The following CDH13 variants were observed in gnomAD, a reference collection of about 807,000 sequenced individuals.
CDH13 encodes cadherin 13, also known as cadherin-13.
Under a neutral mutation model 63.8 loss-of-function variants are expected in CDH13, and 24 were observed. The observed-to-expected ratio is 0.38, with a 90% CI of 0.27 to 0.53. The LOEUF (loss-of-function observed/expected upper bound fraction) is 0.53, where lower values mean the gene tolerates loss of function less well. Ranked by LOEUF, CDH13 falls within the 20% of genes least tolerant of loss-of-function variation. The pLI is 0.85. For synonymous variants in CDH13, 503 were observed against 355.3 expected (o/e 1.42, Z -4.67); for missense variants, 1,049 against 903.1 (o/e 1.16, Z -2.07).
chr16:83,155,071 C>A (rs571697133), intron 4 of CDH13, among the ~76,000 whole-genome samples: 2 of 152,280 alleles, frequency 1.3e-5, no homozygotes, highest in African/African-American at 4.8e-5. Flanking sequence ...AGGAAGAAAA[C>A]CACTTCTGTG....
At chr16:83,517,610 G>T (rs72791457) in intron 7 of CDH13, among the ~76,000 whole-genome samples, 4,410 of 152,302 alleles carry the variant, frequency 0.029, 91 homozygotes, top group Non-Finnish European at 0.043. Flanking sequence ...GGTGAGAAAT[G>T]TGAGGGAACA....
intron 10 of CDH13, among the ~76,000 whole-genome samples, chr16:83,729,813 C>T (rs1426212827): frequency 6.6e-6 from 1 of 152,208 alleles, no homozygotes; most frequent in Non-Finnish European, 1.5e-5. Context: ...CTGCCACTAG[C>T]ATTCCCTTCC....
At chr16:82,776,568 A>G (rs1379089951) in intron 1 of CDH13, among the ~76,000 whole-genome samples, 1 of 152,218 alleles carries the variant, frequency 6.6e-6, no homozygotes, top group East Asian at 1.9e-4. Flanking sequence ...TTCTTTTCAA[A>G]TAAGAATCTC....
At chr16:82,961,098 C>T (rs750180692) in intron 2 of CDH13, among the ~76,000 whole-genome samples, 7 of 152,186 alleles carry the variant, frequency 4.6e-5, no homozygotes, top group Non-Finnish European at 7.3e-5. Context: ...GCCACTGCCT[C>T]CCCACACCCC....
At chr16:83,009,231 G>A (rs554761175) in intron 2 of CDH13, among the ~76,000 whole-genome samples, 6 of 152,214 alleles carry the variant, frequency 3.9e-5, no homozygotes, top group Non-Finnish European at 7.3e-5. Flanking sequence ...TTAGCATCCA[G>A]TATTTTGTCA....
At chr16:82,646,880 G>C (rs1910156915) in intron 1 of CDH13, among the ~76,000 whole-genome samples, 1 of 152,212 alleles carries the variant, frequency 6.6e-6, no homozygotes, top group South Asian at 2.1e-4. Context: ...TATACTCACA[G>C]CACGTTCAGG....
chr16:82,669,220 A>G (rs1185932413), intron 1 of CDH13, among the ~76,000 whole-genome samples: 1 of 152,212 alleles, frequency 6.6e-6, no homozygotes, highest in Non-Finnish European at 1.5e-5. Flanking sequence ...CCTTTGGGGC[A>G]TCATTGAACA....
At position 83,691,965 on chromosome 16, in the gene CDH13, T is replaced by G. The variant is rs1249415520; in HGVS notation, c.1538+13504T>G. On this transcript the variant is annotated intron_variant, in intron 10 of 13. Coordinates refer to ENST00000567109, the MANE Select transcript of CDH13 (RefSeq NM_001257.5). The stretch of plus-strand genomic sequence containing the variant: ...ACCCTGTGGGTCTCTGATTACCCCT[T>G]TTATACAGGGGAAGACAATAAGGAT... Among the ~76,000 whole-genome samples the G allele has an allele frequency of 2.0e-5, 3 of 152,232 alleles. No individual in the cohort carries two copies. In the East Asian group the frequency reaches 5.8e-4, roughly 30 times the overall value.
At chr16:83,015,673 G>GTATGTA (rs1345963848) in intron 2 of CDH13, among the ~76,000 whole-genome samples, 1 of 39,996 alleles carries the variant, frequency 2.5e-5, no homozygotes, top group East Asian at 1.2e-3. Flanking sequence ...GTGTGTGTGT[G>GTATGTA]TATGTATATA....
rs1416490491 is a variant in CDH13, at chr16:83,780,173, T to A, written c.1887T>A (p.Asp629Glu). ...AAATCCACAAACAAGCTGTTCCTGATAAAGTCTGGAAGATCTCCAAGATCA... is the reference window on the plus strand; with the variant it reads ...AAATCCACAAACAAGCTGTTCCTGAAAAAGTCTGGAAGATCTCCAAGATCA... ...KFEIHKQAVP[D>E]KVWKISKINN... is the part of the protein sequence containing the mutation. Residue 629 changes from aspartate to glutamate, a missense_variant, in exon 12 of 14, where the codon GAT (aspartate) becomes GAA (glutamate). Transcript: ENST00000567109. 1 of 1,605,276 alleles carries A rather than the reference T, an allele frequency of 6.2e-7. No individual in the cohort carries two copies. Among genetic ancestry groups the A allele is most frequent in the Non-Finnish European group, 8.5e-7 (1 of 1,174,992 alleles).
At chr16:83,747,170 G>A (rs376198182) in intron 10 of CDH13, among the ~76,000 whole-genome samples, 18 of 152,130 alleles carry the variant, frequency 1.2e-4, no homozygotes, top group South Asian at 4.1e-4. Context: ...TCTTGCCCTC[G>A]CGTAACCTAC....
intron 7 of CDH13, among the ~76,000 whole-genome samples, chr16:83,530,747 C>G (rs1229791447): frequency 1.3e-5 from 2 of 150,966 alleles, no homozygotes; most frequent in African/African-American, 4.8e-5. Flanking sequence ...TCCCAAGTCA[C>G]TCAACTGGTC....
chr16:83,295,977 A>T (rs2089586578), intron 5 of CDH13, among the ~76,000 whole-genome samples: 2 of 152,198 alleles, frequency 1.3e-5, no homozygotes, highest in African/African-American at 4.8e-5. Flanking sequence ...GAAAGAATTA[A>T]AATTGTATCT....
chr16:83,482,657 A>G (rs1232205499), intron 6 of CDH13, among the ~76,000 whole-genome samples: 2 of 152,236 alleles, frequency 1.3e-5, no homozygotes, highest in Non-Finnish European at 2.9e-5. Context: ...CAAGCATTGC[A>G]CTCAGCAGAT....
chr16:83,575,867 C>T (rs1227416037), intron 7 of CDH13, among the ~76,000 whole-genome samples: 1 of 152,212 alleles, frequency 6.6e-6, no homozygotes, highest in Non-Finnish European at 1.5e-5. Context: ...AGGACTATTT[C>T]ACTCACCTTT....
At chr16:83,229,533 C>G (rs973462408) in intron 5 of CDH13, among the ~76,000 whole-genome samples, 41 of 151,484 alleles carry the variant, frequency 2.7e-4, no homozygotes, top group African/African-American at 1.0e-3. Context: ...AGTGGGCTCT[C>G]TCAAAATTTA....
chr16:83,460,794 C>T (rs6563910), intron 6 of CDH13, among the ~76,000 whole-genome samples: 68,076 of 150,530 alleles, frequency 0.45, 15,685 homozygotes, highest in Middle Eastern at 0.54. Context: ...AGGATTTTGT[C>T]CAAGATCAGC....
At chr16:82,980,346 G>A (rs72792106) in intron 2 of CDH13, among the ~76,000 whole-genome samples, 107 of 152,234 alleles carry the variant, frequency 7.0e-4, no homozygotes, top group South Asian at 1.7e-3. Flanking sequence ...GGCTGGGTCC[G>A]TAAAGACCAA....
intron 1 of CDH13, among the ~76,000 whole-genome samples, chr16:82,779,790 T>C (rs1316483138): frequency 6.6e-6 from 1 of 151,980 alleles, no homozygotes; most frequent in Admixed American, 6.6e-5. Flanking sequence ...CAGGTAGTGG[T>C]AGAAAGATTT....
Sources: allele counts gnomAD v4.1 joint callset (sites outside exome capture counted in the v4.1 genomes callset), GRCh38; gene constraint gnomAD v4.1.1; transcripts MANE v1.5; gene names NCBI Gene and HGNC (gene_info 2026-07-23, HGNC 2026-07-21).